The following LRRTM4 variants were observed in gnomAD, a reference collection of about 807,000 sequenced individuals.
The protein encoded by LRRTM4 is leucine-rich repeat transmembrane neuronal protein 4.
A neutral mutation model predicts 47.6 loss-of-function variants in LRRTM4; 25 were observed. That is an observed-to-expected ratio of 0.53 (90% confidence interval 0.38 to 0.73). The LOEUF (loss-of-function observed/expected upper bound fraction) is 0.73, where lower values mean the gene tolerates loss of function less well. Ranked by LOEUF, LRRTM4 falls within the 30% of genes least tolerant of loss-of-function variation. The pLI, the probability that LRRTM4 is intolerant of heterozygous loss-of-function variation, is 0.00. For missense variants in LRRTM4, 638 were observed against 713.4 expected, an observed-to-expected ratio of 0.89 and a Z score of 1.20; for synonymous variants, 311 against 269.5, an observed-to-expected ratio of 1.15 and a Z score of -1.51.
chr2:77,183,690 A>G (rs1673417665), intron 3 of LRRTM4, among the ~76,000 whole-genome samples: 1 of 152,214 alleles, frequency 6.6e-6, no homozygotes, highest in South Asian at 2.1e-4. Context: ...CCAAATATCC[A>G]ACAATGATAG....
At chr2:76,858,168 A>G (rs1231737292) in intron 3 of LRRTM4, among the ~76,000 whole-genome samples, 1 of 152,152 alleles carries the variant, frequency 6.6e-6, no homozygotes, top group East Asian at 1.9e-4. Context: ...GGGTGTTTCT[A>G]TAGGGTGTTT....
chr2:77,317,120 A>G (rs1465093299), intron 3 of LRRTM4, among the ~76,000 whole-genome samples: 4 of 151,252 alleles, frequency 2.6e-5, no homozygotes, highest in Admixed American at 2.6e-4. Context: ...AGTTGAGACA[A>G]TCTTCATGAT....
chr2:77,333,705 G>C (rs1365376997), intron 3 of LRRTM4, among the ~76,000 whole-genome samples: 1 of 152,176 alleles, frequency 6.6e-6, no homozygotes, highest in Non-Finnish European at 1.5e-5. Context: ...CTTCTGCTAG[G>C]GCAGTTCAAA....
intron 3 of LRRTM4, among the ~76,000 whole-genome samples, chr2:77,230,821 A>C (rs1406676025): frequency 1.3e-5 from 2 of 152,170 alleles, no homozygotes; most frequent in East Asian, 3.8e-4. Context: ...ATACATTTTT[A>C]AAAGAAATAG....
At chr2:76,926,000 G>A (rs1257727949) in intron 3 of LRRTM4, among the ~76,000 whole-genome samples, 1 of 152,082 alleles carries the variant, frequency 6.6e-6, no homozygotes, top group African/African-American at 2.4e-5. Context: ...GATAAAACCA[G>A]GTTGTTACAA....
chr2:77,155,804 T>G (rs73940365), intron 3 of LRRTM4, among the ~76,000 whole-genome samples: 1 of 152,072 alleles, frequency 6.6e-6, no homozygotes, highest in Non-Finnish European at 1.5e-5. Flanking sequence ...AGAAATACAT[T>G]TGGTTGTTCT....
At chr2:76,910,845 G>A (rs1674028512) in intron 3 of LRRTM4, among the ~76,000 whole-genome samples, 2 of 152,114 alleles carry the variant, frequency 1.3e-5, no homozygotes, top group Admixed American at 1.3e-4. Context: ...TGTCATTAGA[G>A]CCTATCTGTC....
intron 3 of LRRTM4, among the ~76,000 whole-genome samples, chr2:77,119,119 A>G (rs1671461977): frequency 6.6e-6 from 1 of 151,856 alleles, no homozygotes; most frequent in Admixed American, 6.6e-5. Context: ...AGAATCCACA[A>G]TTTCAATGAA....
intron 3 of LRRTM4, among the ~76,000 whole-genome samples, chr2:77,387,361 C>T (rs937244814): frequency 5.3e-5 from 8 of 152,078 alleles, no homozygotes; most frequent in African/African-American, 1.9e-4. Context: ...AAGCAATCCA[C>T]CATGGACTTC....
intron 3 of LRRTM4, among the ~76,000 whole-genome samples, chr2:77,068,358 G>GT (rs1680031654): frequency 1.3e-5 from 2 of 152,108 alleles, no homozygotes; most frequent in South Asian, 2.1e-4. Context: ...AAACTAAGTG[G>GT]TTTTTAGTCT....
intron 3 of LRRTM4, among the ~76,000 whole-genome samples, chr2:76,819,378 G>C (rs948460875): frequency 1.3e-5 from 2 of 151,776 alleles, no homozygotes; most frequent in African/African-American, 2.4e-5. Context: ...GAAGACATAA[G>C]TAGGAAGTAA....
At chr2:76,996,030 C>A (rs1000845819) in intron 3 of LRRTM4, among the ~76,000 whole-genome samples, 24 of 116,828 alleles carry the variant, frequency 2.1e-4, no homozygotes, top group African/African-American at 8.3e-4. Flanking sequence ...CTAAAATACT[C>A]AGAGAAATAA....
intron 3 of LRRTM4, among the ~76,000 whole-genome samples, chr2:77,481,046 C>T (rs770623320): frequency 3.3e-5 from 5 of 152,100 alleles, no homozygotes; most frequent in Admixed American, 6.6e-5. Flanking sequence ...CATTCCTTTG[C>T]CTATTCCCTA....
At chr2:77,371,685 C>G (rs570243747) in intron 3 of LRRTM4, among the ~76,000 whole-genome samples, 2 of 151,720 alleles carry the variant, frequency 1.3e-5, no homozygotes, top group Non-Finnish European at 2.9e-5. Flanking sequence ...CCTGACTACA[C>G]TAATTAACCT....
chr2:76,869,577 C>T (rs1265217479), intron 3 of LRRTM4, among the ~76,000 whole-genome samples: 2 of 151,784 alleles, frequency 1.3e-5, no homozygotes, highest in Non-Finnish European at 2.9e-5. Context: ...AAAGTCAAAC[C>T]TTTAGGGGGA....
At position 77,362,130 on chromosome 2, in the gene LRRTM4, AAAG is replaced by A. The variant is rs1297407465; in HGVS notation, c.1551+156185_1551+156187del. 4.9e-5 allele frequency among the ~76,000 whole-genome samples: 6 copies of A among 121,244 alleles called. No individual in the cohort carries two copies. In the East Asian group the frequency reaches 9.3e-4, roughly 19 times the overall value. The allele number at this position is 121,244 out of a possible 152,430, so 79.5% of individuals were successfully genotyped here. A position where few individuals can be genotyped will look rare whatever the true frequency, so the allele number is the denominator to read the frequency against. On this transcript the variant is annotated intron_variant, in intron 3 of 3. Coordinates refer to ENST00000409884, the MANE Select transcript of LRRTM4 (RefSeq NM_001134745.3). Reference sequence around the variant, plus strand: ...GAAAGAAAGAGAGAAAGAAAGAAAGAAAGAAAGAAAGAAAGAAAGAAAGAAAGA... The same window carrying A: ...GAAAGAAAGAGAGAAAGAAAGAAAGAAAAGAAAGAAAGAAAGAAAGAAAGA...
chr2:77,198,859 T>G (rs191821505), intron 3 of LRRTM4, among the ~76,000 whole-genome samples: 4 of 152,286 alleles, frequency 2.6e-5, no homozygotes, highest in Admixed American at 6.5e-5. Flanking sequence ...ACTACATTCT[T>G]AGTGCTCATC....
chr2:77,452,914 G>A (rs1429805306), intron 3 of LRRTM4, among the ~76,000 whole-genome samples: 2 of 151,974 alleles, frequency 1.3e-5, no homozygotes, highest in Admixed American at 6.6e-5. Flanking sequence ...TCTACCATAA[G>A]ACTGACTGCT....
At chr2:77,226,657 A>C in intron 3 of LRRTM4, among the ~76,000 whole-genome samples, 1 of 151,910 alleles carries the variant, frequency 6.6e-6, no homozygotes, top group Non-Finnish European at 1.5e-5. Context: ...AAATAAGTAA[A>C]ATGTATTTGT....
Sources: gnomAD v4.1 joint callset for allele counts (sites outside exome capture counted in the v4.1 genomes callset) on GRCh38, gnomAD v4.1.1 for gene constraint, MANE v1.5 for transcripts, NCBI Gene and HGNC (gene_info 2026-07-23, HGNC 2026-07-21) for gene names.